PRKG1: variants seen among roughly 807,000 people sequenced by gnomAD.
PRKG1 encodes the protein protein kinase cGMP-dependent 1, also known as cGMP-dependent protein kinase 1.
Under a neutral mutation model 88.1 loss-of-function variants are expected in PRKG1, and 35 were observed. The observed-to-expected ratio is 0.40, with a 90% confidence interval of 0.30 to 0.53. PRKG1 has a LOEUF of 0.53. Ranked by LOEUF, PRKG1 falls within the 20% of genes least tolerant of loss-of-function variation. PRKG1 has a pLI of 0.59. For missense variants in PRKG1, 540 were observed against 839.8 expected, an observed-to-expected ratio of 0.64 and a Z score of 4.41; for synonymous variants, 303 against 292.5, an observed-to-expected ratio of 1.04 and a Z score of -0.37.
chr10:52,232,201 G>A (rs1840541222), intron 9 of PRKG1, among the ~76,000 whole-genome samples: 2 of 152,032 alleles, frequency 1.3e-5, no homozygotes, highest in South Asian at 4.1e-4. Context: ...TGCCAAGGAG[G>A]CTGAGCCAGG....
intron 1 of PRKG1, among the ~76,000 whole-genome samples, chr10:51,152,907 T>C (rs1846109478): frequency 6.6e-6 from 1 of 151,828 alleles, no homozygotes; most frequent in African/African-American, 2.4e-5. Flanking sequence ...TGTATGATTT[T>C]GTTGGTTGGT....
chr10:52,251,516 T>C, intron 9 of PRKG1, 54 bp from the exon 10 acceptor site: 1 of 1,300,986 alleles, frequency 7.7e-7, no homozygotes. Flanking sequence ...ATGTACGTGG[T>C]ACTCGTGTTT....
intron 1 of PRKG1, among the ~76,000 whole-genome samples, chr10:51,020,397 G>A (rs144467404): frequency 1.0e-3 from 154 of 152,232 alleles, no homozygotes; most frequent in African/African-American, 3.5e-3. Context: ...ACACGTCTCC[G>A]TTTAACAACA....
At chr10:51,352,182 C>T (rs1318183206) in intron 2 of PRKG1, among the ~76,000 whole-genome samples, 2 of 152,134 alleles carry the variant, frequency 1.3e-5, no homozygotes, top group Non-Finnish European at 2.9e-5. Flanking sequence ...TAGCGTGATG[C>T]CTCCAGCTTT....
At chr10:52,171,552 G>C (rs982546027) in intron 9 of PRKG1, among the ~76,000 whole-genome samples, 22 of 152,178 alleles carry the variant, frequency 1.4e-4, no homozygotes, top group African/African-American at 3.1e-4. Flanking sequence ...TTCAAGAGCT[G>C]TTTTTGTTTT....
chr10:52,084,971 A>G (rs1846875297), intron 7 of PRKG1, among the ~76,000 whole-genome samples: 1 of 151,920 alleles, frequency 6.6e-6, no homozygotes, highest in South Asian at 2.1e-4. Flanking sequence ...ATTGTCACTC[A>G]ATTTGAGTTT....
intron 5 of PRKG1, among the ~76,000 whole-genome samples, chr10:51,949,363 G>A (rs576462011): frequency 7.2e-5 from 11 of 151,866 alleles, no homozygotes; most frequent in East Asian, 1.9e-4. Context: ...CTATAATCCC[G>A]GCACTTTGGG....
At chr10:51,953,432 C>A (rs867935602) in intron 5 of PRKG1, among the ~76,000 whole-genome samples, 12 of 152,290 alleles carry the variant, frequency 7.9e-5, no homozygotes, top group African/African-American at 2.6e-4. Context: ...CTGGCATCAT[C>A]AAAGGACTTT....
At chr10:51,498,949 ATCT>A (rs1276051965) in intron 3 of PRKG1, among the ~76,000 whole-genome samples, 2 of 151,812 alleles carry the variant, frequency 1.3e-5, no homozygotes, top group African/African-American at 2.4e-5. Flanking sequence ...CAAGGAAAAC[ATCT>A]TCTTGCCCCC....
At chr10:51,235,859 A>T (rs1444793316) in intron 2 of PRKG1, among the ~76,000 whole-genome samples, 2 of 150,750 alleles carry the variant, frequency 1.3e-5, no homozygotes, top group Non-Finnish European at 2.9e-5. Flanking sequence ...AATGAAAAAT[A>T]AAAAAAAAGA....
At chr10:52,240,726 C>A (rs1025308433) in intron 9 of PRKG1, among the ~76,000 whole-genome samples, 1 of 152,004 alleles carries the variant, frequency 6.6e-6, no homozygotes. Flanking sequence ...CCATTTTATT[C>A]TTTTCTGCTT....
chr10:51,730,062 T>C lies in PRKG1; in HGVS notation c.593-74523T>C, dbSNP rs939702924. On this transcript the variant is annotated intron_variant, in intron 3 of 17. Coordinates refer to ENST00000373980, the MANE Select transcript of PRKG1 (RefSeq NM_006258.4). ...ACATTAGGGTTCACTTGTGGTGTTA[T>C]GCATTATATGGGTTTGGACAACTAG... Among the ~76,000 whole-genome samples, 12 of 152,330 alleles carry C rather than the reference T, an allele frequency of 7.9e-5. No homozygotes were observed. In the East Asian group the frequency reaches 2.3e-3, roughly 29 times the overall value.
chr10:51,683,561 G>C (rs1840904706), intron 3 of PRKG1, among the ~76,000 whole-genome samples: 1 of 152,148 alleles, frequency 6.6e-6, no homozygotes, highest in South Asian at 2.1e-4. Flanking sequence ...CCTGGGGTTT[G>C]GGTAGGGTTT....
At chr10:52,045,049 T>C (rs1387743205) in intron 5 of PRKG1, among the ~76,000 whole-genome samples, 1 of 152,170 alleles carries the variant, frequency 6.6e-6, no homozygotes, top group Non-Finnish European at 1.5e-5. Flanking sequence ...CACAAATTAA[T>C]TTTCTAAATT....
At chr10:51,443,937 T>A (rs987775372) in intron 2 of PRKG1, among the ~76,000 whole-genome samples, 2 of 150,032 alleles carry the variant, frequency 1.3e-5, no homozygotes, top group African/African-American at 4.8e-5. Flanking sequence ...AATACATTCA[T>A]CTCTTGCAAA....
At chr10:52,116,572 C>A (rs536714124) in intron 7 of PRKG1, among the ~76,000 whole-genome samples, 15 of 151,876 alleles carry the variant, frequency 9.9e-5, no homozygotes, top group Non-Finnish European at 1.6e-4. Flanking sequence ...GAGGGTCTTA[C>A]TCACTGTGAA....
intron 3 of PRKG1, among the ~76,000 whole-genome samples, chr10:51,623,445 G>A (rs1839259719): frequency 6.6e-6 from 1 of 152,134 alleles, no homozygotes; most frequent in Non-Finnish European, 1.5e-5. Flanking sequence ...CAAGCAGTCT[G>A]CCTGCTTCAG....
At chr10:51,209,063 T>C (rs1352521450) in intron 2 of PRKG1, among the ~76,000 whole-genome samples, 3 of 152,170 alleles carry the variant, frequency 2.0e-5, no homozygotes, top group Admixed American at 1.3e-4. Flanking sequence ...CCTCCAGCAA[T>C]GGAAAATTTT....
intron 9 of PRKG1, among the ~76,000 whole-genome samples, chr10:52,162,566 C>A (rs932314991): frequency 6.6e-6 from 1 of 152,038 alleles, no homozygotes; most frequent in East Asian, 1.9e-4. Flanking sequence ...TAATCCTCCC[C>A]TCTTTCCCCT....
Sources: gnomAD v4.1 joint callset for allele counts (sites outside exome capture counted in the v4.1 genomes callset) on GRCh38, gnomAD v4.1.1 for gene constraint, MANE v1.5 for transcripts, NCBI Gene and HGNC (gene_info 2026-07-23, HGNC 2026-07-21) for gene names.